CASD1: variants seen among roughly 807,000 people sequenced by gnomAD.
The protein encoded by CASD1 is N-acetylneuraminate (7)9-O-acetyltransferase.
A neutral mutation model predicts 100.0 loss-of-function variants in CASD1; 41 were observed. The observed-to-expected ratio is 0.41, with a 90% CI of 0.32 to 0.53. The LOEUF is 0.53. CASD1 is among the 20% of genes least tolerant of loss of function. CASD1 has a pLI of 0.25. For missense variants in CASD1, 774 were observed against 948.7 expected, an observed-to-expected ratio of 0.82 and a Z score of 2.42; for synonymous variants, 321 against 315.6, an observed-to-expected ratio of 1.02 and a Z score of -0.18.
the CASD1 span, among the ~76,000 whole-genome samples, chr7:94,569,306 C>A: frequency 1.3e-5 from 2 of 152,082 alleles, no homozygotes; most frequent in African/African-American, 4.8e-5. Context: ...TTGGAACTAA[C>A]ATCATCAATA....
At chr7:94,547,873 G>C (rs929981314) in intron 13 of CASD1, among the ~76,000 whole-genome samples, 1 of 151,604 alleles carries the variant, frequency 6.6e-6, no homozygotes, top group East Asian at 1.9e-4. Context: ...TTTTGTACCT[G>C]GCTGTATCAG....
At chr7:94,551,563 AT>A in intron 15 of CASD1, 85 bp downstream of exon 15, 1 of 567,204 alleles carries the variant, frequency 1.8e-6, no homozygotes, top group African/African-American at 2.0e-5. Flanking sequence ...ATTTTTAATA[AT>A]AAATCTTTTT....
At chr7:94,628,163 CAT>C in the CASD1 span, 60 of 1,438,078 alleles carry the variant, frequency 4.2e-5, no homozygotes, top group East Asian at 1.4e-4. Context: ...CACACACACA[CAT>C]ATATGTATAG....
In CASD1 at chr7:94,545,578, T is replaced by G. The variant is rs1423847192; in HGVS notation, c.1510T>G (p.Leu504Val). The change falls in exon 12 of 18, where the codon TTA becomes GTA. Residue 504 changes from leucine to valine, a missense_variant. Leu to Val is a conservative substitution (Grantham distance 32). Around this residue, in one of 5 missense-constraint regions of CASD1, gnomAD observed 453 missense variants for 532.6 expected, o/e 0.85. Coordinates refer to ENST00000297273, the MANE Select transcript of CASD1 (RefSeq NM_022900.5). ...LFRLNFLVVV[L>V]CIVMDRPYQF... ...TCGTCTCAATTTCCTGGTAGTGGTG[T>G]TATGTATAGTAATGGATCGACCTTA... 5 of 1,607,934 alleles carry G rather than the reference T, an allele frequency of 3.1e-6. No individual in the cohort carries two copies. The highest frequency in any genetic ancestry group is 3.4e-6 in the Non-Finnish European group (4 of 1,175,328).
At chr7:94,513,932 AT>A (rs1033499764) in intron 1 of CASD1, among the ~76,000 whole-genome samples, 1 of 152,214 alleles carries the variant, frequency 6.6e-6, no homozygotes, top group Admixed American at 6.5e-5. Context: ...TTTTAACTAT[AT>A]TTTTTCCAAA....
At chr7:94,593,831 T>C in the CASD1 span, among the ~76,000 whole-genome samples, 1 of 152,248 alleles carries the variant, frequency 6.6e-6, no homozygotes, top group African/African-American at 2.4e-5. Flanking sequence ...GGAATGTGAA[T>C]AACAACCCTT....
Position 94,545,534 on chromosome 7 carries a change from C to A in CASD1, c.1477-11C>A. 2 of 1,591,306 alleles carry A rather than the reference C, an allele frequency of 1.3e-6. No homozygotes were observed. Among genetic ancestry groups the A allele is most frequent in the Admixed American group, 1.7e-5 (1 of 58,338 alleles). ...CTTAGAATGAAACCATTTTCTTCTCCTTTTCAATAGGTTTTATTTCGTCTC... is the reference window on the plus strand; with the variant it reads ...CTTAGAATGAAACCATTTTCTTCTCATTTTCAATAGGTTTTATTTCGTCTC... On this transcript the variant is annotated splice_polypyrimidine_tract_variant and intron_variant, in intron 11 of 17. Transcript: ENST00000297273.
chr7:94,623,982 A>T, the CASD1 span: 1 of 386,188 alleles, frequency 2.6e-6, no homozygotes, highest in Non-Finnish European at 4.6e-6. Context: ...CAATCCCTTC[A>T]TACGGGCAAA....
chr7:94,618,440 G>T, the CASD1 span: 5 of 252,492 alleles, frequency 2.0e-5, no homozygotes, highest in Non-Finnish European at 3.8e-5. Flanking sequence ...TAATAACTGG[G>T]GCGTCAATTT....
At chr7:94,585,434 A>G in the CASD1 span, 1 of 1,478,724 alleles carries the variant, frequency 6.8e-7, no homozygotes. Flanking sequence ...GGAAGAGAAA[A>G]GAAATGTGAT....
At chr7:94,560,420 A>G (rs1393361826), downstream of CASD1, among the ~76,000 whole-genome samples, 1 of 152,220 alleles carries the variant, frequency 6.6e-6, no homozygotes, top group Non-Finnish European at 1.5e-5. Context: ...GGAATCCAGT[A>G]CTTCCAAAGT....
rs1393190811 is a variant in CASD1, at chr7:94,556,289, A to G, written c.*531A>G. 2 of 152,368 alleles carry G rather than the reference A, an allele frequency of 1.3e-5. No homozygotes were observed. Among genetic ancestry groups the G allele is most frequent in the Non-Finnish European group, 2.9e-5 (2 of 68,246 alleles). The allele number at this position is 152,368 out of a possible 1,614,324, so 9.4% of individuals were successfully genotyped here. A position where few individuals can be genotyped will look rare whatever the true frequency, so the allele number is the denominator to read the frequency against. ...ATGATAAACAGTATGCCTTTAATTTATATGTGTTCTTGTTCTGATGTTGTT... is the reference window on the plus strand; with the variant it reads ...ATGATAAACAGTATGCCTTTAATTTGTATGTGTTCTTGTTCTGATGTTGTT... On this transcript the variant is annotated 3_prime_UTR_variant, in exon 18 of 18. Transcript: ENST00000297273.
At chr7:94,625,110 C>T in the CASD1 span, 2 of 151,850 alleles carry the variant, frequency 1.3e-5, no homozygotes, top group Admixed American at 1.3e-4. Flanking sequence ...CGTGTGCATA[C>T]TTTATTTTTG....
chr7:94,619,907 G>T, the CASD1 span: 16 of 152,112 alleles, frequency 1.1e-4, no homozygotes, highest in African/African-American at 3.6e-4. Flanking sequence ...TATATAAGGT[G>T]CTCAGCAGAG....
At chr7:94,587,467 G>C in the CASD1 span, 3 of 1,235,276 alleles carry the variant, frequency 2.4e-6, no homozygotes, top group Non-Finnish European at 3.0e-6. Flanking sequence ...GGTTAATAAC[G>C]AAGAAGTTCT....
chr7:94,617,024 G>A, the CASD1 span: 1 of 152,196 alleles, frequency 6.6e-6, no homozygotes, highest in Admixed American at 6.5e-5. Context: ...CCTCTAGCAG[G>A]TGTTGGGTGT....
At chr7:94,631,868 G>A in the CASD1 span, among the ~76,000 whole-genome samples, 1 of 152,010 alleles carries the variant, frequency 6.6e-6, no homozygotes, top group African/African-American at 2.4e-5. Flanking sequence ...GAATCTCTTT[G>A]TAGTTTATCT....
At chr7:94,520,899 C>T in intron 3 of CASD1, among the ~76,000 whole-genome samples, 1 of 152,144 alleles carries the variant, frequency 6.6e-6, no homozygotes, top group East Asian at 1.9e-4. Flanking sequence ...CGAGACCATC[C>T]TGGCCAACAC....
chr7:94,579,427 C>T, the CASD1 span, among the ~76,000 whole-genome samples: 1 of 152,184 alleles, frequency 6.6e-6, no homozygotes, highest in South Asian at 2.1e-4. Context: ...TATTAATTGA[C>T]TGCAAAGTGA....
Sources: allele counts gnomAD v4.1 joint callset (sites outside exome capture counted in the v4.1 genomes callset), GRCh38; gene constraint gnomAD v4.1.1; regional missense constraint gnomAD v4.1.1; transcripts MANE v1.5; gene names NCBI Gene and HGNC (gene_info 2026-07-23, HGNC 2026-07-21).